LPIN2: variants seen among roughly 807,000 people sequenced by gnomAD.
The protein encoded by LPIN2 is phosphatidate phosphatase LPIN2.
A neutral mutation model predicts 111.4 loss-of-function variants in LPIN2; 55 were observed. The observed-to-expected ratio is 0.49, with a 90% CI of 0.40 to 0.62. The LOEUF is 0.62. LPIN2 is among the 20% of genes least tolerant of loss of function. The probability of loss-of-function intolerance (pLI) is 0.00; values close to 1 mark genes in which losing one functional copy is unlikely to be tolerated. For missense variants in LPIN2, 992 were observed against 1,112.1 expected (o/e 0.89, Z 1.54); for synonymous variants, 425 against 414.0 (o/e 1.03, Z -0.32).
chr18:2,957,386 A>T (rs1391676031), intron 2 of LPIN2, among the ~76,000 whole-genome samples: 3 of 152,204 alleles, frequency 2.0e-5, no homozygotes, highest in African/African-American at 7.2e-5. Flanking sequence ...TCAGATTTTC[A>T]GATTTGGGAT....
At chr18:2,991,233 G>A (rs896137835) in intron 1 of LPIN2, among the ~76,000 whole-genome samples, 1 of 152,124 alleles carries the variant, frequency 6.6e-6, no homozygotes, top group Non-Finnish European at 1.5e-5. Flanking sequence ...ATTTTGGAGT[G>A]GAGAAGTGGG....
At chr18:2,929,623 G>C (rs1368879057) in intron 9 of LPIN2, among the ~76,000 whole-genome samples, 2 of 152,158 alleles carry the variant, frequency 1.3e-5, no homozygotes, top group African/African-American at 2.4e-5. Context: ...AAAATTGTTT[G>C]GGCCAGGCAC....
At chr18:2,993,758 C>CTAGAGAATA (rs2143437532) in intron 1 of LPIN2, among the ~76,000 whole-genome samples, 1 of 152,272 alleles carries the variant, frequency 6.6e-6, no homozygotes, top group Admixed American at 6.5e-5. Flanking sequence ...AGAAGTAACC[C>CTAGAGAATA]TAGAGAATAT....
rs775123278 is a variant in LPIN2 at position 2,929,164 on chromosome 18, A to T, written c.1457-6T>A. ...GATATGCTCCATGAATTTTTCTGCAATGTAAAATAATAATCAATTTGGTTA... is the reference window on the plus strand; with the variant it reads ...GATATGCTCCATGAATTTTTCTGCATTGTAAAATAATAATCAATTTGGTTA... On this transcript the variant is annotated splice_polypyrimidine_tract_variant and splice_region_variant and intron_variant, in intron 9 of 19. Coordinates refer to ENST00000677752, the MANE Select transcript of LPIN2 (RefSeq NM_001375808.2). 1 of 1,539,008 alleles carries T rather than the reference A, an allele frequency of 6.5e-7. No homozygotes were observed. The highest frequency in any genetic ancestry group is 1.1e-5 in the South Asian group (1 of 89,462).
chr18:2,972,013 T>C (rs2077924792), intron 1 of LPIN2, among the ~76,000 whole-genome samples: 1 of 151,798 alleles, frequency 6.6e-6, no homozygotes, highest in Non-Finnish European at 1.5e-5. Flanking sequence ...CGCCACTGCA[T>C]TACAGCCTGG....
At chr18:3,008,870 C>CGTA (rs2078557026) in intron 1 of LPIN2, among the ~76,000 whole-genome samples, 1 of 150,792 alleles carries the variant, frequency 6.6e-6, no homozygotes, top group Non-Finnish European at 1.5e-5. Context: ...CCCGCACTAC[C>CGTA]ACAGCTGTGT....
At chr18:2,939,958 G>C (rs965414542) in intron 5 of LPIN2, among the ~76,000 whole-genome samples, 2 of 152,198 alleles carry the variant, frequency 1.3e-5, no homozygotes, top group African/African-American at 4.8e-5. Flanking sequence ...AGAATAAACA[G>C]TTATGACTAT....
chr18:2,954,295 T>C (rs2077578466), intron 3 of LPIN2, among the ~76,000 whole-genome samples: 1 of 152,248 alleles, frequency 6.6e-6, no homozygotes, highest in Non-Finnish European at 1.5e-5. Context: ...GCATGCTCCC[T>C]GCACCCTGAA....
intron 9 of LPIN2, among the ~76,000 whole-genome samples, chr18:2,930,649 G>A (rs1174121391): frequency 6.6e-6 from 1 of 152,102 alleles, no homozygotes; most frequent in East Asian, 1.9e-4. Context: ...TAAAAGGAAG[G>A]TTAAAAAAAA....
chr18:2,999,287 T>C (rs1384111750), intron 1 of LPIN2, among the ~76,000 whole-genome samples: 5 of 152,202 alleles, frequency 3.3e-5, no homozygotes, highest in Non-Finnish European at 7.3e-5. Flanking sequence ...CCAGTAGGAC[T>C]GATGTCCTTA....
At chr18:2,978,728 G>A (rs1022793678) in intron 1 of LPIN2, among the ~76,000 whole-genome samples, 2 of 152,188 alleles carry the variant, frequency 1.3e-5, no homozygotes, top group African/African-American at 4.8e-5. Flanking sequence ...GCTTCAGTCT[G>A]TCTGGGAAAT....
Position 2,918,173 on chromosome 18 carries a change from G to A in LPIN2, c.*2120C>T, listed in dbSNP as rs2076997090. The A allele has an allele frequency of 6.6e-6, 1 of 152,166 alleles. No homozygotes were observed. Among genetic ancestry groups the A allele is most frequent in the Non-Finnish European group, 1.5e-5 (1 of 68,034 alleles). The allele number at this position is 152,166 out of a possible 1,614,324, so 9.4% of individuals were successfully genotyped here. ...AAAGTCTAGTGCTAGCAGACACAGG[G>A]ACAGAGGGACCAGCTACCCTCAACA... is the stretch of plus-strand genomic sequence containing the variant. On this transcript the variant is annotated 3_prime_UTR_variant, in exon 20 of 20. Coordinates refer to ENST00000677752, the MANE Select transcript of LPIN2 (RefSeq NM_001375808.2).
At position 2,934,507 on chromosome 18, in the gene LPIN2, C is replaced by CA. The variant is rs943038510; in HGVS notation, c.1169-58dup. ...TAGTTATTCTTCATTTACAGCTCTGCAAAACACACGCACGTTTGCAAACAG... is the reference window on the plus strand; with the variant it reads ...TAGTTATTCTTCATTTACAGCTCTGCAAAAACACACGCACGTTTGCAAACAG... On this transcript the variant is annotated intron_variant, in intron 7 of 19. Transcript: ENST00000677752. 1.9e-5 allele frequency: 21 copies of CA among 1,088,962 alleles called. No individual in the cohort carries two copies. The African/African-American group carries it at 3.1e-4, about 16-fold the overall frequency. The allele number at this position is 1,088,962 out of a possible 1,614,324, so 67.5% of individuals were successfully genotyped here. A position where few individuals can be genotyped will look rare whatever the true frequency, so the allele number is the denominator to read the frequency against.
chr18:3,011,179 TAAAG>T (rs1185636931), intron 1 of LPIN2, among the ~76,000 whole-genome samples: 1 of 152,116 alleles, frequency 6.6e-6, no homozygotes, highest in East Asian at 1.9e-4. Flanking sequence ...CTCCTAGCAA[TAAAG>T]AAGACAAAGC....
At position 2,939,556 on chromosome 18, in the gene LPIN2, A is replaced by C. The variant is rs761771649; in HGVS notation, c.746T>G (p.Val249Gly). 2 of 1,613,992 alleles carry C rather than the reference A, an allele frequency of 1.2e-6. No homozygotes were observed. The highest frequency in any genetic ancestry group is 2.2e-5 in the South Asian group (2 of 91,076). The change falls in exon 6 of 20, where the codon GTG becomes GGG. Residue 249 changes from valine (V) to glycine (G), a missense_variant. Coordinates refer to ENST00000677752, the MANE Select transcript of LPIN2 (RefSeq NM_001375808.2). ...ACPKSDSELE[V>G]KPAESLLRSE... Reference sequence around the variant, plus strand: ...TCTGAGCAGGCTCTCCGCAGGTTTCACCTCCAGCTCTGAATCACTCTTAGG... The same window carrying C: ...TCTGAGCAGGCTCTCCGCAGGTTTCCCCTCCAGCTCTGAATCACTCTTAGG...
chr18:2,971,568 G>A (rs1453893100), intron 1 of LPIN2, among the ~76,000 whole-genome samples: 1 of 152,130 alleles, frequency 6.6e-6, no homozygotes, highest in Admixed American at 6.6e-5. Flanking sequence ...GCAATAGTAG[G>A]TTCTTAATAA....
At chr18:2,929,501 C>T (rs966133105) in intron 9 of LPIN2, among the ~76,000 whole-genome samples, 2 of 152,092 alleles carry the variant, frequency 1.3e-5, no homozygotes, top group East Asian at 1.9e-4. Flanking sequence ...CGAAAACTGT[C>T]GAAGTTCTAT....
At chr18:2,927,868 C>T (rs950092205) in intron 11 of LPIN2, 57 bp from the exon 12 acceptor site, 8 of 1,409,792 alleles carry the variant, frequency 5.7e-6, no homozygotes, top group Non-Finnish European at 8.0e-6. Context: ...CAGCACCTAC[C>T]TTCTATGCTA....
intron 1 of LPIN2, among the ~76,000 whole-genome samples, chr18:2,983,484 A>T (rs2078141999): frequency 6.6e-6 from 1 of 152,272 alleles, no homozygotes; most frequent in Admixed American, 6.5e-5. Flanking sequence ...TTTTTCTAAA[A>T]ACCGCAAACA....
Sources: allele counts gnomAD v4.1 joint callset (sites outside exome capture counted in the v4.1 genomes callset), GRCh38; gene constraint gnomAD v4.1.1; transcripts MANE v1.5; gene names NCBI Gene and HGNC (gene_info 2026-07-23, HGNC 2026-07-21).